Variants in CNKSR2 observed in about 807,000 individuals in gnomAD.
The protein encoded by CNKSR2 is connector enhancer of kinase suppressor of Ras 2, also known as CNK homolog protein 2.
A neutral mutation model predicts 84.4 loss-of-function variants in CNKSR2; 14 were observed. The ratio of observed to expected loss-of-function variants is 0.17; its 90% CI spans 0.11 to 0.26. The LOEUF (loss-of-function observed/expected upper bound fraction) is 0.26, where lower values mean the gene tolerates loss of function less well. CNKSR2 is among the 10% of genes least tolerant of loss of function. The probability of loss-of-function intolerance (pLI) is 1.00; values close to 1 mark genes in which losing one functional copy is unlikely to be tolerated. For synonymous variants in CNKSR2, 275 were observed against 277.9 expected (o/e 0.99, Z 0.10); for missense variants, 485 against 771.2 (o/e 0.63, Z 4.40).
intron 13 of CNKSR2, among the ~76,000 whole-genome samples, chrX:21,588,892 A>G (rs1031720514): frequency 1.8e-5 from 2 of 111,815 alleles, no homozygotes; most frequent in African/African-American, 3.2e-5. Context: ...ATACAAAGGG[A>G]AAAAAAACCC....
chrX:21,633,338 A>C (rs2147324050), intron 20 of CNKSR2, among the ~76,000 whole-genome samples: 1 of 111,934 alleles, frequency 8.9e-6, no homozygotes, highest in South Asian at 3.7e-4. Flanking sequence ...ATTCCAAAAA[A>C]TTCTGACTTC....
At chrX:21,448,577 A>T (rs1369086995) in intron 4 of CNKSR2, among the ~76,000 whole-genome samples, 2 of 112,092 alleles carry the variant, frequency 1.8e-5, no homozygotes, top group East Asian at 5.6e-4. Context: ...CAAATAAATT[A>T]TAGTTACTAT....
At chrX:21,376,784 T>C (rs961092930) in intron 1 of CNKSR2, among the ~76,000 whole-genome samples, 1 of 112,041 alleles carries the variant, frequency 8.9e-6, no homozygotes, top group African/African-American at 3.2e-5. Flanking sequence ...CTTCATAGAC[T>C]ACCTTTCGCA....
intron 11 of CNKSR2, among the ~76,000 whole-genome samples, chrX:21,542,260 A>C (rs981609579): frequency 1.8e-5 from 2 of 112,592 alleles, no homozygotes; most frequent in African/African-American, 6.4e-5. Flanking sequence ...CATTGGCTGT[A>C]GCATCAGCCA....
intron 1 of CNKSR2, among the ~76,000 whole-genome samples, chrX:21,408,008 G>T (rs774792559): frequency 9.0e-6 from 1 of 111,084 alleles, no homozygotes; most frequent in Admixed American, 9.6e-5. Context: ...AAAATATCTT[G>T]AATTCAGTAG....
intron 8 of CNKSR2, 78 bp from the exon 9 acceptor site, chrX:21,516,402 TACTAA>T: frequency 4.0e-6 from 4 of 995,478 alleles, no homozygotes; most frequent in Admixed American, 2.9e-5. Flanking sequence ...CTTTTTTTTT[TACTAA>T]TCTTATTAAA....
In CNKSR2 at chrX:21,374,544, A is replaced by G. The variant is rs1369059755; in HGVS notation, c.-354A>G. On this transcript the variant is annotated 5_prime_UTR_variant, in exon 1 of 22. Transcript: ENST00000379510. ...GGCGACGCGACCCCTCAGCAACTCA[A>G]GCTATGAACTGAAGCTCCCTAGGGA... The G allele has an allele frequency of 1.1e-5, 5 of 448,684 alleles. No homozygotes were observed. Among genetic ancestry groups the G allele is most frequent in the African/African-American group, 2.5e-5 (1 of 40,552 alleles). The allele number at this position is 448,684 out of a possible 1,213,427, so 37.0% of individuals were successfully genotyped here. A position where few individuals can be genotyped will look rare whatever the true frequency, so the allele number is the denominator to read the frequency against.
rs369645688 is a variant in CNKSR2 at position 21,526,838 on chromosome X, G to A, written c.958-29G>A. On this transcript the variant is annotated intron_variant, in intron 9 of 21. Transcript: ENST00000379510. ...GTTGTTTTGTGTGTTGTTTGTGTGC[G>A]TATGTATTTTCTTTTTCATTTTAAC... The A allele has an allele frequency of 4.7e-5, 54 of 1,151,840 alleles. 1 individual carries two copies. The highest frequency in any genetic ancestry group is 9.3e-5 in the South Asian group (5 of 53,561). 94.9% of individuals were successfully genotyped at this position (1,151,840 alleles called of 1,213,427 possible).
At chrX:21,499,997 C>T (rs899535119) in intron 7 of CNKSR2, among the ~76,000 whole-genome samples, 4 of 111,077 alleles carry the variant, frequency 3.6e-5, no homozygotes, top group Non-Finnish European at 7.6e-5. Context: ...CCAAATACCA[C>T]AGGAACCAAC....
intron 5 of CNKSR2, among the ~76,000 whole-genome samples, chrX:21,473,960 A>G (rs757708825): frequency 9.2e-6 from 1 of 108,351 alleles, no homozygotes; most frequent in South Asian, 4.1e-4. Flanking sequence ...CGTGTTAGCC[A>G]GGATGGTCTC....
intron 17 of CNKSR2, among the ~76,000 whole-genome samples, chrX:21,596,009 T>C (rs2092449146): frequency 8.9e-6 from 1 of 111,854 alleles, no homozygotes; most frequent in South Asian, 3.7e-4. Flanking sequence ...CCTCTTCCTT[T>C]TCTAGAATTA....
intron 20 of CNKSR2, among the ~76,000 whole-genome samples, chrX:21,619,242 T>A (rs2092591282): frequency 8.9e-6 from 1 of 112,266 alleles, no homozygotes; most frequent in African/African-American, 3.2e-5. Flanking sequence ...CTGAACTTCA[T>A]ATTATACTGA....
intron 1 of CNKSR2, among the ~76,000 whole-genome samples, chrX:21,419,594 G>A (rs771780360): frequency 3.0e-4 from 33 of 111,682 alleles, no homozygotes; most frequent in Non-Finnish European, 5.3e-4. Context: ...GATCTAAGCT[G>A]TATCTGCCTC....
intron 20 of CNKSR2, chrX:21,641,726 A>G (rs2092692246): frequency 3.5e-5 from 37 of 1,059,176 alleles, no homozygotes; most frequent in Non-Finnish European, 4.4e-5. Context: ...GCTGTTTATA[A>G]CAGAAAACAG....
intron 11 of CNKSR2, 171 bp downstream of exon 11, chrX:21,532,238 A>G (rs924737841): frequency 1.1e-4 from 34 of 317,927 alleles, no homozygotes; most frequent in African/African-American, 9.0e-4. Context: ...ATGAGACATT[A>G]TATTAAAAAT....
At chrX:21,549,904 A>G (rs1475549916) in intron 11 of CNKSR2, among the ~76,000 whole-genome samples, 1 of 112,276 alleles carries the variant, frequency 8.9e-6, no homozygotes, top group Non-Finnish European at 1.9e-5. Context: ...CTTACACCTT[A>G]TAGAAAAATT....
At chrX:21,502,004 T>A (rs1360524832) in intron 8 of CNKSR2, among the ~76,000 whole-genome samples, 1 of 108,966 alleles carries the variant, frequency 9.2e-6, no homozygotes, top group African/African-American at 3.3e-5. Flanking sequence ...TATCTAACAT[T>A]GATTTGTTCA....
intron 11 of CNKSR2, among the ~76,000 whole-genome samples, chrX:21,558,166 T>C (rs1460701894): frequency 9.0e-6 from 1 of 111,247 alleles, no homozygotes; most frequent in Non-Finnish European, 1.9e-5. Context: ...ATTTTCAAGC[T>C]GTAATCAATG....
At chrX:21,380,006 G>A (rs1271708285) in intron 1 of CNKSR2, among the ~76,000 whole-genome samples, 3 of 111,215 alleles carry the variant, frequency 2.7e-5, no homozygotes, top group African/African-American at 9.8e-5. Context: ...AACTAAAGGG[G>A]GGTTGTATAT....
Sources: gnomAD v4.1 joint callset for allele counts (sites outside exome capture counted in the v4.1 genomes callset) on GRCh38, gnomAD v4.1.1 for gene constraint, MANE v1.5 for transcripts, NCBI Gene and HGNC (gene_info 2026-07-23, HGNC 2026-07-21) for gene names.